The following NSD1 variants were observed in gnomAD, a reference collection of about 807,000 sequenced individuals.
The protein encoded by NSD1 is histone-lysine N-methyltransferase, H3 lysine-36 specific.
A neutral mutation model predicts 242.7 loss-of-function variants in NSD1; 26 were observed. That is an observed-to-expected ratio of 0.11 (90% CI 0.08 to 0.15). The LOEUF is 0.15. Among genes scored for constraint, NSD1 ranks in the 10% least tolerant of loss-of-function variants. The pLI is 1.00. For synonymous variants in NSD1, 1,106 were observed against 1,178.1 expected, an observed-to-expected ratio of 0.94 and a Z score of 1.25; for missense variants, 2,495 against 3,272.8, an observed-to-expected ratio of 0.76 and a Z score of 5.80.
intron 2 of NSD1, among the ~76,000 whole-genome samples, chr5:177,182,501 G>A (rs892015875): frequency 3.9e-5 from 6 of 152,072 alleles, no homozygotes; most frequent in African/African-American, 1.2e-4. Flanking sequence ...ACCGTAGCTT[G>A]CTGTAACCTG....
At chr5:177,272,366 A>G (rs1397159641) in intron 16 of NSD1, among the ~76,000 whole-genome samples, 1 of 152,056 alleles carries the variant, frequency 6.6e-6, no homozygotes, top group Non-Finnish European at 1.5e-5. Flanking sequence ...CATGGAACAC[A>G]TACAAACTCT....
At chr5:177,280,477 T>G in intron 17 of NSD1, 88 bp from the exon 18 acceptor site, 1 of 1,506,980 alleles carries the variant, frequency 6.6e-7, no homozygotes, top group African/African-American at 1.4e-5. Flanking sequence ...TGGCTGCAAC[T>G]TCAAGGAAAA....
Position 177,293,819 on chromosome 5 carries a change from T to C in NSD1, c.6464-13T>C, listed in dbSNP as rs1760053185. 1.2e-6 allele frequency: 2 copies of C among 1,613,978 alleles called. No homozygotes were observed. The highest frequency in any genetic ancestry group is 1.7e-5 in the Admixed American group (1 of 59,998). ...TTTTTTCCTAAACTTTTGATTTACTTCTGTGTTTTCAGGGAAATGGGAATG... is the reference window on the plus strand; with the variant it reads ...TTTTTTCCTAAACTTTTGATTTACTCCTGTGTTTTCAGGGAAATGGGAATG... On this transcript the variant is annotated splice_polypyrimidine_tract_variant and intron_variant, in intron 22 of 22. Transcript: ENST00000439151.
chr5:177,241,381 C>T (rs1407852725), intron 8 of NSD1, among the ~76,000 whole-genome samples: 1 of 150,748 alleles, frequency 6.6e-6, no homozygotes, highest in Non-Finnish European at 1.5e-5. Context: ...GGTACCTGCG[C>T]ATAATCCCAG....
At chr5:177,171,300 C>T (rs1035805205) in intron 2 of NSD1, among the ~76,000 whole-genome samples, 3 of 151,184 alleles carry the variant, frequency 2.0e-5, no homozygotes, top group South Asian at 2.1e-4. Context: ...AGCGAGACTC[C>T]GTCTCCAAAA....
intron 11 of NSD1, among the ~76,000 whole-genome samples, chr5:177,251,189 C>CA (rs762450107): frequency 0.16 from 21,534 of 136,564 alleles, 2,837 homozygotes; most frequent in African/African-American, 0.38. Flanking sequence ...GACTTCCTCT[C>CA]AAAAAAAAAA....
At chr5:177,207,907 TGTGTGTGTGTGTGTGC>T (rs1340343817) in intron 4 of NSD1, among the ~76,000 whole-genome samples, 4 of 149,960 alleles carry the variant, frequency 2.7e-5, no homozygotes, top group Non-Finnish European at 4.4e-5. Context: ...GTCCAGCTAG[TGTGTGTGTGTGTGTGC>T]GTGTGTGTGT....
chr5:177,244,344 T>C, intron 9 of NSD1, 74 bp downstream of exon 9: 1 of 1,095,658 alleles, frequency 9.1e-7, no homozygotes, highest in East Asian at 2.4e-5. Flanking sequence ...ACCACAAAAA[T>C]TGTTACATGT....
chr5:177,288,178 GA>G (rs1408027468), intron 20 of NSD1, among the ~76,000 whole-genome samples: 2 of 152,200 alleles, frequency 1.3e-5, no homozygotes, highest in Non-Finnish European at 2.9e-5. Context: ...CAGAAAGAGA[GA>G]AAGAGGACAG....
At chr5:177,246,382 A>C (rs183744170) in intron 9 of NSD1, among the ~76,000 whole-genome samples, 1 of 152,302 alleles carries the variant, frequency 6.6e-6, no homozygotes, top group Admixed American at 6.5e-5. Context: ...TATAGGATTT[A>C]ATTCCTTTGA....
At chr5:177,265,018 C>G (rs1757305263) in intron 14 of NSD1, 4 of 779,262 alleles carry the variant, frequency 5.1e-6, no homozygotes, top group Admixed American at 1.7e-5. Flanking sequence ...AGATTCTTGC[C>G]AAGAGATTTC....
At chr5:177,232,695 AT>A (rs1255253187) in intron 5 of NSD1, among the ~76,000 whole-genome samples, 1 of 152,222 alleles carries the variant, frequency 6.6e-6, no homozygotes, top group Non-Finnish European at 1.5e-5. Flanking sequence ...GCCTCCTTGC[AT>A]TATTCATTGT....
chr5:177,151,160 C>T (rs1290626672), intron 2 of NSD1, among the ~76,000 whole-genome samples: 1 of 152,132 alleles, frequency 6.6e-6, no homozygotes, highest in Admixed American at 6.5e-5. Context: ...GGAGGATCAC[C>T]TGAAGCCAGG....
chr5:177,280,860 A>G lies in NSD1; in HGVS notation c.5892+26A>G, dbSNP rs760933594. ...GTTAGAAAAAGCTAAATTACCATAT[A>G]CTTTCTCCTCTTTGCAGTTGCTTGA... On this transcript the variant is annotated intron_variant, in intron 18 of 22. Coordinates refer to ENST00000439151, the MANE Select transcript of NSD1 (RefSeq NM_022455.5). 52 of 1,612,586 alleles carry G rather than the reference A, an allele frequency of 3.2e-5. No homozygotes were observed. In the Admixed American group the frequency reaches 8.7e-4, roughly 27 times the overall value.
In NSD1 at chr5:177,246,673, CA is replaced by C. The variant is rs1562253640; in HGVS notation, c.4379-4del. ...CAGCAGTTAACACCTATTTTCCTGT[CA>C]TAGGCACTACCAAGATATTTGACAA... On this transcript the variant is annotated splice_polypyrimidine_tract_variant and splice_region_variant and intron_variant, in intron 9 of 22. Coordinates refer to ENST00000439151, the MANE Select transcript of NSD1 (RefSeq NM_022455.5). 6.2e-7 allele frequency: 1 copy of C among 1,602,948 alleles called. No individual in the cohort carries two copies. The highest frequency in any genetic ancestry group is 1.7e-5 in the Admixed American group (1 of 59,986).
intron 2 of NSD1, among the ~76,000 whole-genome samples, chr5:177,165,704 A>G (rs1296480155): frequency 1.3e-5 from 2 of 151,808 alleles, no homozygotes; most frequent in Admixed American, 6.6e-5. Flanking sequence ...AGCAATCCTT[A>G]CCTCCCACCT....
At chr5:177,224,511 A>G (rs1764487498) in intron 5 of NSD1, among the ~76,000 whole-genome samples, 1 of 151,978 alleles carries the variant, frequency 6.6e-6, no homozygotes, top group Admixed American at 6.6e-5. Flanking sequence ...TAATATTAAT[A>G]CAAACATTTT....
intron 2 of NSD1, among the ~76,000 whole-genome samples, chr5:177,155,513 CT>C (rs1186359459): frequency 6.7e-6 from 1 of 149,922 alleles, no homozygotes; most frequent in Admixed American, 6.6e-5. Context: ...ATCTGCCTGC[CT>C]TGGCCTCCCA....
intron 14 of NSD1, chr5:177,265,952 G>T (rs930886320): frequency 8.2e-7 from 1 of 1,226,224 alleles, no homozygotes; most frequent in Non-Finnish European, 1.2e-6. Flanking sequence ...GCAGGCGTTG[G>T]TAACCAGCTG....
Sources: gnomAD v4.1 joint callset for allele counts (sites outside exome capture counted in the v4.1 genomes callset) on GRCh38, gnomAD v4.1.1 for gene constraint, MANE v1.5 for transcripts, NCBI Gene and HGNC (gene_info 2026-07-23, HGNC 2026-07-21) for gene names.